Variants in CRAMP1 observed in about 807,000 individuals in gnomAD.
CRAMP1 encodes protein cramped-like.
In CRAMP1, 50 loss-of-function variants were observed where a neutral mutation model predicts 115.4. The ratio of observed to expected loss-of-function variants is 0.43; its 90% CI spans 0.35 to 0.55. CRAMP1 has a LOEUF of 0.55. Ranked by LOEUF, CRAMP1 falls within the 20% of genes least tolerant of loss-of-function variation. The pLI, the probability that CRAMP1 is intolerant of heterozygous loss-of-function variation, is 0.01. For synonymous variants in CRAMP1, 866 were observed against 745.4 expected, an observed-to-expected ratio of 1.16 and a Z score of -2.64; for missense variants, 1,679 against 1,721.7, an observed-to-expected ratio of 0.98 and a Z score of 0.44.
chr16:1,633,321 G>A (rs1294064447), intron 4 of CRAMP1, among the ~76,000 whole-genome samples: 4 of 152,208 alleles, frequency 2.6e-5, no homozygotes, highest in Non-Finnish European at 5.9e-5. Context: ...CCTGAGGGCC[G>A]CAGACACCCC....
rs1292683225 is a variant in CRAMP1 at position 1,671,569 on chromosome 16, G to T, written c.3645+760G>T. Among the ~76,000 whole-genome samples the T allele has an allele frequency of 2.0e-5, 3 of 152,180 alleles. No homozygotes were observed. The highest frequency in any genetic ancestry group is 4.8e-5 in the African/African-American group (2 of 41,436). ...CAGGTGTGTGGGCAGTCGGGTGAGG[G>T]CTCTATGGACAGGGAGGGAACTCCA... On this transcript the variant is annotated intron_variant, in intron 20 of 20. Coordinates refer to ENST00000397412, the MANE Select transcript of CRAMP1 (RefSeq NM_020825.4). The surrounding 1 kb of genome is among the most constrained non-coding windows in gnomAD (Gnocchi z 5.0).
chr16:1,640,406 C>G (rs1361682294), intron 5 of CRAMP1, among the ~76,000 whole-genome samples: 1 of 152,184 alleles, frequency 6.6e-6, no homozygotes, highest in Admixed American at 6.5e-5. Flanking sequence ...GGTGCATTGT[C>G]TGTCTGTGGC....
intron 5 of CRAMP1, among the ~76,000 whole-genome samples, chr16:1,640,209 A>C (rs1182610398): frequency 6.6e-6 from 1 of 151,966 alleles, no homozygotes; most frequent in East Asian, 1.9e-4. Flanking sequence ...GTGAATTCTT[A>C]GTTATTATTA....
In CRAMP1 at chr16:1,612,438, A is replaced by G. The variant is rs1481574615; in HGVS notation, c.-221A>G. 3 of 151,116 alleles carry G rather than the reference A, an allele frequency of 2.0e-5. No individual in the cohort carries two copies. The highest frequency in any genetic ancestry group is 4.4e-5 in the Non-Finnish European group (3 of 67,680). The allele number at this position is 151,116 out of a possible 1,614,324, so 9.4% of individuals were successfully genotyped here. ...CTTCGCTAGGGTGAGTGGCGGCAGT[A>G]TCTGCGTCCGCAGCCCCCGCAGCCG... On this transcript the variant is annotated 5_prime_UTR_variant, in exon 1 of 21. Transcript: ENST00000397412.
intron 10 of CRAMP1, among the ~76,000 whole-genome samples, chr16:1,658,499 G>A (rs770970141): frequency 6.6e-5 from 10 of 152,170 alleles, no homozygotes; most frequent in Non-Finnish European, 1.5e-4. Context: ...CACATGGAAA[G>A]GCATCCCCAT....
At chr16:1,643,215 A>C (rs866508626) in intron 6 of CRAMP1, among the ~76,000 whole-genome samples, 5 of 152,136 alleles carry the variant, frequency 3.3e-5, no homozygotes, top group Admixed American at 2.6e-4. Flanking sequence ...TGCTGGCTAA[A>C]GTGTGCAGAG....
At chr16:1,628,832 T>C (rs1025248075) in intron 3 of CRAMP1, among the ~76,000 whole-genome samples, 2 of 152,220 alleles carry the variant, frequency 1.3e-5, no homozygotes, top group East Asian at 3.9e-4. Flanking sequence ...TGGGCCTCAG[T>C]TGGTCACTCC....
intron 3 of CRAMP1, 31 bp from the exon 4 acceptor site, chr16:1,632,181 C>T (rs1567450043): frequency 6.5e-7 from 1 of 1,548,864 alleles, no homozygotes; most frequent in South Asian, 1.2e-5. Flanking sequence ...GTTTTAACCC[C>T]TCTACATTTA....
At chr16:1,664,394 G>A (rs993892711) in intron 13 of CRAMP1, among the ~76,000 whole-genome samples, 1 of 152,204 alleles carries the variant, frequency 6.6e-6, no homozygotes, top group African/African-American at 2.4e-5. Context: ...AGAATGGGAG[G>A]TGTCACTCCT....
rs2036925359 is a variant in CRAMP1, at chr16:1,671,766, C to T, written c.3645+957C>T. On this transcript the variant is annotated intron_variant, in intron 20 of 20. Coordinates refer to ENST00000397412, the MANE Select transcript of CRAMP1 (RefSeq NM_020825.4). This position sits in a 1 kb window ranked among gnomAD's most constrained non-coding sequence, Gnocchi z 5.0. Reference sequence around the variant, plus strand: ...AAAAGCTCAAAACAGCTGTTTCTCACGGACACCTCCGCTACCCAGTATCCG... The same window carrying T: ...AAAAGCTCAAAACAGCTGTTTCTCATGGACACCTCCGCTACCCAGTATCCG... 1.3e-5 allele frequency among the ~76,000 whole-genome samples: 2 copies of T among 152,222 alleles called. No homozygotes were observed. The highest frequency in any genetic ancestry group is 2.4e-5 in the African/African-American group (1 of 41,454).
chr16:1,625,708 TG>T, intron 2 of CRAMP1: 1 of 365,978 alleles, frequency 2.7e-6, no homozygotes, highest in Non-Finnish European at 5.0e-6. Context: ...GCAGCGTCAT[TG>T]TGCTGTTACA....
At chr16:1,644,438 G>A (rs1053301810) in intron 6 of CRAMP1, among the ~76,000 whole-genome samples, 7 of 152,198 alleles carry the variant, frequency 4.6e-5, no homozygotes, top group African/African-American at 1.2e-4. Flanking sequence ...GCTGTGGTGT[G>A]GCAGCTGATG....
At chr16:1,631,069 C>T (rs1457369612) in intron 3 of CRAMP1, among the ~76,000 whole-genome samples, 1 of 152,224 alleles carries the variant, frequency 6.6e-6, no homozygotes, top group Non-Finnish European at 1.5e-5. Flanking sequence ...ATTTCAGCAG[C>T]CATCGCTGCC....
intron 6 of CRAMP1, among the ~76,000 whole-genome samples, chr16:1,646,809 T>A (rs1323660664): frequency 6.6e-6 from 1 of 152,244 alleles, no homozygotes. Flanking sequence ...AAATCCATGA[T>A]CTGCTTTGAA....
At chr16:1,653,488 G>GCACAAGGCGCCATCGTGGAAATGGA (rs2036741670) in intron 8 of CRAMP1, among the ~76,000 whole-genome samples, 1 of 152,212 alleles carries the variant, frequency 6.6e-6, no homozygotes, top group South Asian at 2.1e-4. Flanking sequence ...GCTCGCATAT[G>GCACAAGGCGCCATCGTGGAAATGGA]CACAAGGCGC....
chr16:1,642,602 A>T (rs950968124), intron 6 of CRAMP1, among the ~76,000 whole-genome samples: 26 of 152,168 alleles, frequency 1.7e-4, no homozygotes, highest in Non-Finnish European at 2.8e-4. Context: ...TACCTCCATC[A>T]GGCAGTATCT....
At position 1,674,341 on chromosome 16, in the gene CRAMP1, G is replaced by A. The variant is rs1177226614; in HGVS notation, c.*296G>A. 2.5e-6 allele frequency: 1 copy of A among 393,398 alleles called. No homozygotes were observed. The highest frequency in any genetic ancestry group is 4.6e-6 in the Non-Finnish European group (1 of 215,174). 24.4% of individuals were successfully genotyped at this position (393,398 alleles called of 1,614,324 possible). On this transcript the variant is annotated 3_prime_UTR_variant, in exon 21 of 21. Coordinates refer to ENST00000397412, the MANE Select transcript of CRAMP1 (RefSeq NM_020825.4). ...ATGATCCCATTTCAGCCTGTGCTCTGCCTCGATTGTTGTGTTGGACATTCC... is the reference window on the plus strand; with the variant it reads ...ATGATCCCATTTCAGCCTGTGCTCTACCTCGATTGTTGTGTTGGACATTCC...
intron 6 of CRAMP1, among the ~76,000 whole-genome samples, chr16:1,648,105 T>C (rs1408396348): frequency 6.6e-6 from 1 of 151,952 alleles, no homozygotes; most frequent in Non-Finnish European, 1.5e-5. Context: ...AAGGGTGCAC[T>C]TAGTTTGATT....
chr16:1,633,362 A>G (rs1345249771), intron 4 of CRAMP1, among the ~76,000 whole-genome samples: 3 of 152,218 alleles, frequency 2.0e-5, no homozygotes, highest in African/African-American at 7.2e-5. Context: ...TTCTCCACTG[A>G]AGAACCTCCA....
Sources: allele counts gnomAD v4.1 joint callset (sites outside exome capture counted in the v4.1 genomes callset), GRCh38; gene constraint gnomAD v4.1.1; non-coding constraint Gnocchi (gnomAD v3.1); transcripts MANE v1.5; gene names NCBI Gene and HGNC (gene_info 2026-07-23, HGNC 2026-07-21).